Variants in CHST7 observed in about 807,000 individuals in gnomAD.
CHST7 encodes carbohydrate sulfotransferase 7, also known as N-acetylglucosamine 6-O-sulfotransferase 4.
Under a neutral mutation model 9.0 loss-of-function variants are expected in CHST7, and 5 were observed. That is an observed-to-expected ratio of 0.56 (90% CI 0.29 to 1.17). The LOEUF (loss-of-function observed/expected upper bound fraction) is 1.17. Ranked by LOEUF, CHST7 falls within the 50% of genes most tolerant of loss-of-function variation. CHST7 has a pLI of 0.08. For synonymous variants in CHST7, 244 were observed against 237.1 expected, an observed-to-expected ratio of 1.03 and a Z score of -0.27; for missense variants, 377 against 485.1, an observed-to-expected ratio of 0.78 and a Z score of 2.09.
chrX:46,595,521 G>T (rs1942589701), intron 1 of CHST7, among the ~76,000 whole-genome samples: 1 of 110,753 alleles, frequency 9.0e-6, no homozygotes, highest in South Asian at 3.8e-4. Context: ...TGTGGTGCTT[G>T]GTTTCTGTCT....
intron 1 of CHST7, among the ~76,000 whole-genome samples, chrX:46,578,019 G>T (rs1361761255): frequency 1.8e-5 from 2 of 110,925 alleles, no homozygotes; most frequent in Non-Finnish European, 3.8e-5. Context: ...GGCAGTGAGG[G>T]AGTCAGTGAA....
At chrX:46,578,054 C>T (rs189612983) in intron 1 of CHST7, among the ~76,000 whole-genome samples, 5 of 110,352 alleles carry the variant, frequency 4.5e-5, no homozygotes, top group African/African-American at 9.9e-5. Flanking sequence ...GGGTAGGGGC[C>T]GTAGCACCCT....
chrX:46,582,689 G>A (rs1167509971), intron 1 of CHST7, among the ~76,000 whole-genome samples: 1 of 111,990 alleles, frequency 8.9e-6, no homozygotes, highest in Admixed American at 9.5e-5. Context: ...ATCACACTTC[G>A]ACAGGACATC....
intron 1 of CHST7, among the ~76,000 whole-genome samples, chrX:46,579,847 C>T (rs1365798615): frequency 9.1e-6 from 1 of 109,871 alleles, no homozygotes; most frequent in Non-Finnish European, 1.9e-5. Flanking sequence ...TTTAAACTAG[C>T]TGAGGGTAGT....
At chrX:46,585,907 G>A (rs777639054) in intron 1 of CHST7, among the ~76,000 whole-genome samples, 1 of 110,430 alleles carries the variant, frequency 9.1e-6, no homozygotes, top group African/African-American at 3.3e-5. Context: ...CACCACGCCT[G>A]GCTAATTTTT....
chrX:46,582,469 C>G (rs1942529949), intron 1 of CHST7, among the ~76,000 whole-genome samples: 1 of 111,619 alleles, frequency 9.0e-6, no homozygotes, highest in Non-Finnish European at 1.9e-5. Flanking sequence ...ATGGAAAATT[C>G]TTGCTGCTGG....
At chrX:46,581,195 A>G (rs1229344280) in intron 1 of CHST7, among the ~76,000 whole-genome samples, 1 of 104,485 alleles carries the variant, frequency 9.6e-6, no homozygotes, top group African/African-American at 3.5e-5. Context: ...AGATTGCACC[A>G]TTGCACTCCA....
At chrX:46,577,563 G>T (rs909309103) in intron 1 of CHST7, among the ~76,000 whole-genome samples, 2 of 111,721 alleles carry the variant, frequency 1.8e-5, no homozygotes, top group Non-Finnish European at 3.8e-5. Context: ...TATGTGTCAT[G>T]CACTGAGTTA....
chrX:46,595,367 T>C (rs1296912580), intron 1 of CHST7, among the ~76,000 whole-genome samples: 1 of 112,442 alleles, frequency 8.9e-6, no homozygotes, highest in Non-Finnish European at 1.9e-5. Context: ...ATTTAAATCT[T>C]CTTTTTTAGC....
Position 46,574,944 on chromosome X carries a change from AT to A in CHST7, c.1016del (p.Phe339SerfsTer3), listed in dbSNP as rs1942489586. ...GCGCTGCCCGCCGCGCCGCGCGCCG[AT>A]TTCTTCCTGACCGGTGCGCTCGAGG... is the stretch of plus-strand genomic sequence containing the variant. Reference protein sequence around the residue: ...SRALPAAPRADFFLTGALEVI... With the variant: ...SRALPAAPRAXFFLTGALEVI... On this transcript the variant is annotated frameshift_variant, in exon 1 of 2. Coordinates refer to ENST00000276055, the MANE Select transcript of CHST7 (RefSeq NM_019886.4). LOFTEE classifies it low-confidence loss of function (END_TRUNC). The A allele has an allele frequency of 8.7e-7, 1 of 1,154,148 alleles. No homozygotes were observed. Among genetic ancestry groups the A allele is most frequent in the South Asian group, 1.9e-5 (1 of 51,556 alleles).
rs369111806 is a variant in CHST7 at position 46,594,404 on chromosome X, T to G, written c.*32-3356T>G. ...TTAGCTGGGTGTGGTGACGGGCACC[T>G]GTAATCCAGCTACTTGGAAGACCAA... On this transcript the variant is annotated intron_variant, in intron 1 of 1. Coordinates refer to ENST00000276055, the MANE Select transcript of CHST7 (RefSeq NM_019886.4). Among the ~76,000 whole-genome samples, 18 of 109,995 alleles carry G rather than the reference T, an allele frequency of 1.6e-4. No individual in the cohort carries two copies. In the East Asian group the frequency reaches 3.7e-3, roughly 23 times the overall value.
At chrX:46,584,861 A>T (rs1445144186) in intron 1 of CHST7, among the ~76,000 whole-genome samples, 4 of 111,643 alleles carry the variant, frequency 3.6e-5, no homozygotes, top group Non-Finnish European at 7.5e-5. Context: ...TTTAGGAGGG[A>T]ACTCAGAGGC....
chrX:46,580,495 C>T (rs963214608), intron 1 of CHST7, among the ~76,000 whole-genome samples: 2 of 111,650 alleles, frequency 1.8e-5, no homozygotes, highest in Non-Finnish European at 3.8e-5. Context: ...TGTGTGTGTG[C>T]GCATGTGTGT....
At chrX:46,577,937 A>G (rs925637727) in intron 1 of CHST7, among the ~76,000 whole-genome samples, 6 of 112,085 alleles carry the variant, frequency 5.4e-5, no homozygotes, top group African/African-American at 1.9e-4. Flanking sequence ...CCTCAGCTCA[A>G]CTGAGGAGAG....
At chrX:46,576,325 G>A (rs1158541810) in intron 1 of CHST7, among the ~76,000 whole-genome samples, 1 of 111,256 alleles carries the variant, frequency 9.0e-6, no homozygotes, top group Admixed American at 9.6e-5. Flanking sequence ...CCTCAGGGTT[G>A]GGTGTCCCCC....
rs776727991 is a variant in CHST7, at chrX:46,583,088, C to T, written c.*31+7665C>T. 2.1e-3 allele frequency among the ~76,000 whole-genome samples: 230 copies of T among 110,938 alleles called. 3 individuals carry two copies. The highest frequency in any genetic ancestry group is 2.7e-3 in the Non-Finnish European group (141 of 53,002). ...TCAGTATGCTTTGTCTCAGCCTGCC[C>T]TCAGCATGAGCAGGCCAGAAAAGAA... On this transcript the variant is annotated intron_variant, in intron 1 of 1. Transcript: ENST00000276055.
chrX:46,577,372 G>A (rs1391168806), intron 1 of CHST7, among the ~76,000 whole-genome samples: 1 of 110,677 alleles, frequency 9.0e-6, no homozygotes, highest in Admixed American at 9.6e-5. Flanking sequence ...TTTAGTGACT[G>A]AGTCCTTCCT....
At position 46,574,370 on chromosome X, in the gene CHST7, G is replaced by A; in HGVS notation, c.439G>A (p.Glu147Lys). The A allele has an allele frequency of 8.3e-7, 1 of 1,209,427 alleles. No individual in the cohort carries two copies. The highest frequency in any genetic ancestry group is 1.1e-6 in the Non-Finnish European group (1 of 895,432). ...GCAGGCGCTGTATCCGGGCGACGCC[G>A]AGAGCTTGCAGGGCGCGCTGCGCGA... Reference protein sequence around the residue: ...LWQALYPGDAESLQGALRDML... With the variant: ...LWQALYPGDAKSLQGALRDML... The change falls in exon 1 of 2, where the codon GAG becomes AAG. Residue 147 changes from glutamate (E) to lysine (K), a missense_variant. Glu to Lys is a moderately conservative substitution (Grantham distance 56). Coordinates refer to ENST00000276055, the MANE Select transcript of CHST7 (RefSeq NM_019886.4).
rs1260085226 is a variant in CHST7 at position 46,574,190 on chromosome X, A to T, written c.259A>T (p.Ser87Cys). The T allele has an allele frequency of 7.5e-6, 9 of 1,198,148 alleles. No individual in the cohort carries two copies. The highest frequency in any genetic ancestry group is 9.0e-6 in the Non-Finnish European group (8 of 887,564). ...GGANQSPRFPSNLSGAVGEAV... is the reference protein window; with the variant it reads ...GGANQSPRFPCNLSGAVGEAV... ...CGCGAACCAGTCTCCTCGGTTCCCA[A>T]GCAACCTCAGCGGCGCTGTCGGGGA... The change falls in exon 1 of 2, where the codon AGC becomes TGC. Residue 87 changes from serine to cysteine, a missense_variant. By Grantham distance (112) the Ser-to-Cys change is moderately radical (BLOSUM62 -1). Around this residue, in one of 3 missense-constraint regions of CHST7, gnomAD observed 239 missense variants for 325.7 expected, o/e 0.73. Transcript: ENST00000276055.
Sources: gnomAD v4.1 joint callset for allele counts (sites outside exome capture counted in the v4.1 genomes callset) on GRCh38, gnomAD v4.1.1 for gene constraint, gnomAD v4.1.1 regional missense constraint, MANE v1.5 for transcripts, NCBI Gene and HGNC (gene_info 2026-07-23, HGNC 2026-07-21) for gene names.